Variants in C3AR1 observed in about 807,000 individuals in gnomAD.
C3AR1 encodes C3a anaphylatoxin chemotactic receptor.
For missense variants in C3AR1, 579 were observed against 583.5 expected, an observed-to-expected ratio of 0.99 and a Z score of 0.08; for synonymous variants, 208 against 225.3, an observed-to-expected ratio of 0.92 and a Z score of 0.69.
rs905500831 is a variant in C3AR1, at chr12:8,059,094, T to C, written c.1092A>G (p.Gln364=). The change falls in exon 2 of 2, where the codon CAA becomes CAG. Residue 364 remains glutamine (Q), a synonymous_variant. Coordinates refer to ENST00000307637, the MANE Select transcript of C3AR1 (RefSeq NM_004054.4). ...ACYSFIVFRM[Q]RGRFAKSQSK... is the part of the protein sequence containing the mutation. ...TCTGAGACTTGGCGAAGCGGCCCCTTTGCATTCGGAAGACAATGAAGCTGT... is the reference window on the plus strand; with the variant it reads ...TCTGAGACTTGGCGAAGCGGCCCCTCTGCATTCGGAAGACAATGAAGCTGT... 1.2e-6 allele frequency: 2 copies of C among 1,614,040 alleles called. No individual in the cohort carries two copies. Among genetic ancestry groups the C allele is most frequent in the Non-Finnish European group, 1.7e-6 (2 of 1,180,048 alleles).
At chr12:8,065,653 CAAAAA>C (rs753950088) in intron 1 of C3AR1, among the ~76,000 whole-genome samples, 7,768 of 72,146 alleles carry the variant, frequency 0.11, 214 homozygotes, top group South Asian at 0.17. Context: ...GACTCTGTCT[CAAAAA>C]AAAAAAAAAA....
At chr12:8,064,875 G>C (rs769810383) in intron 1 of C3AR1, among the ~76,000 whole-genome samples, 1 of 150,540 alleles carries the variant, frequency 6.6e-6, no homozygotes, top group African/African-American at 2.5e-5. Flanking sequence ...TGTTGTTGTT[G>C]TTTGTTTGTT....
At chr12:8,063,645 T>C (rs1947299298) in intron 1 of C3AR1, among the ~76,000 whole-genome samples, 1 of 152,240 alleles carries the variant, frequency 6.6e-6, no homozygotes, top group Non-Finnish European at 1.5e-5. Flanking sequence ...CATTTTATCT[T>C]GTACAATAAT....
At chr12:8,061,130 T>C (rs1156376914) in intron 1 of C3AR1, among the ~76,000 whole-genome samples, 2 of 152,236 alleles carry the variant, frequency 1.3e-5, no homozygotes, top group South Asian at 2.1e-4. Context: ...CCAAGAGTTG[T>C]TGGCCCTCTG....
rs1591585442 is a variant in C3AR1, at chr12:8,058,529, A to G, written c.*208T>C. Reference sequence around the variant, plus strand: ...TCCCAACCCCCAGAGATTCCGATTCAGCAAGTCTGGGATGCGGCTTGAGAA... The same window carrying G: ...TCCCAACCCCCAGAGATTCCGATTCGGCAAGTCTGGGATGCGGCTTGAGAA... On this transcript the variant is annotated 3_prime_UTR_variant, in exon 2 of 2. Transcript: ENST00000307637. 1.8e-6 allele frequency: 1 copy of G among 563,118 alleles called. No individual in the cohort carries two copies. The highest frequency in any genetic ancestry group is 3.0e-5 in the East Asian group (1 of 33,330). The allele number at this position is 563,118 out of a possible 1,614,324, so 34.9% of individuals were successfully genotyped here. A position where few individuals can be genotyped will look rare whatever the true frequency, so the allele number is the denominator to read the frequency against.
In C3AR1 at chr12:8,059,431, T is replaced by C; in HGVS notation, c.755A>G (p.Gln252Arg). Reference sequence around the variant, plus strand: ...TTTAAATACATTAGAATACAGATTTTGACTTGTTAACCTAGCAGAACCCCT... The same window carrying C: ...TTTAAATACATTAGAATACAGATTTCGACTTGTTAACCTAGCAGAACCCCT... ...LPRGSARLTS[Q>R]NLYSNVFKPA... Residue 252 changes from glutamine to arginine, a missense_variant, in exon 2 of 2, where the codon CAA becomes CGA. Transcript: ENST00000307637. 6.2e-7 allele frequency: 1 copy of C among 1,614,072 alleles called. No homozygotes were observed. The highest frequency in any genetic ancestry group is 8.5e-7 in the Non-Finnish European group (1 of 1,179,978).
chr12:8,058,540 G>T lies in C3AR1; in HGVS notation c.*197C>A. On this transcript the variant is annotated 3_prime_UTR_variant, in exon 2 of 2. Transcript: ENST00000307637. ...AGAGATTCCGATTCAGCAAGTCTGG[G>T]ATGCGGCTTGAGAATTTGCATTTCT... 1 of 601,628 alleles carries T rather than the reference G, an allele frequency of 1.7e-6. No individual in the cohort carries two copies. Among genetic ancestry groups the T allele is most frequent in the Admixed American group, 3.3e-5 (1 of 30,236 alleles). 37.3% of individuals were successfully genotyped at this position (601,628 alleles called of 1,614,324 possible).
Position 8,059,989 on chromosome 12 carries a change from A to G in C3AR1, c.197T>C (p.Leu66Ser), listed in dbSNP as rs754988685. 12 of 1,614,008 alleles carry G rather than the reference A, an allele frequency of 7.4e-6. No individual in the cohort carries two copies. Among genetic ancestry groups the G allele is most frequent in the African/African-American group, 5.3e-5 (4 of 74,890 alleles). ...GGAGAGGCAGCAGAGGAGGTCCGCC[A>G]AGGTGAGGTGGAGGAACCAAATTGT... ...VNTIWFLHLTLADLLCCLSLP... is the reference protein window; with the variant it reads ...VNTIWFLHLTSADLLCCLSLP... Residue 66 changes from leucine (L) to serine (S), a missense_variant, in exon 2 of 2, where the codon TTG (leucine) becomes TCG (serine). Transcript: ENST00000307637.
At chr12:8,063,379 TAC>T (rs1399557924) in intron 1 of C3AR1, among the ~76,000 whole-genome samples, 1 of 152,340 alleles carries the variant, frequency 6.6e-6, no homozygotes, top group East Asian at 1.9e-4. Flanking sequence ...TGTCATTAGA[TAC>T]ACTGACTTCT....
Position 8,059,318 on chromosome 12 carries a change from G to C in C3AR1, c.868C>G (p.Leu290Val). 1 of 1,614,214 alleles carries C rather than the reference G, an allele frequency of 6.2e-7. No individual in the cohort carries two copies. The highest frequency in any genetic ancestry group is 8.5e-7 in the Non-Finnish European group (1 of 1,180,036). Reference protein sequence around the residue: ...TSPLDNSDAFLSTHLKLFPSA... With the variant: ...TSPLDNSDAFVSTHLKLFPSA... ...GGGAACAGCTTTAAATGAGTAGAGA[G>C]AAAAGCATCAGAGTTATCCAGTGGG... The change falls in exon 2 of 2, where the codon CTC (leucine) becomes GTC (valine). Residue 290 changes from leucine (L) to valine (V), a missense_variant. Leu to Val is a conservative substitution (Grantham distance 32). Coordinates refer to ENST00000307637, the MANE Select transcript of C3AR1 (RefSeq NM_004054.4).
chr12:8,059,252 G>A lies in C3AR1; in HGVS notation c.934C>T (p.Gln312Ter). The A allele has an allele frequency of 6.2e-7, 1 of 1,614,190 alleles. No homozygotes were observed. The highest frequency in any genetic ancestry group is 8.5e-7 in the Non-Finnish European group (1 of 1,180,034). ...AAATTGTAATAATCCTGGAAACCTT[G>A]TGGTAGCTCAGACTCGTAGAAGGAA... Reference protein sequence around the residue: ...SNSFYESELPQGFQDYYNLGQ... With the variant: ...SNSFYESELP Residue 312 changes from glutamine (Q) to a stop codon, truncating the protein, a stop_gained, in exon 2 of 2, where the codon CAA (glutamine) becomes TAA (stop). Coordinates refer to ENST00000307637, the MANE Select transcript of C3AR1 (RefSeq NM_004054.4). LOFTEE classifies it low-confidence loss of function (END_TRUNC).
At position 8,057,402 on chromosome 12, in the gene C3AR1, A is replaced by G. The variant is rs1171452938; in HGVS notation, c.*1335T>C. Among the ~76,000 whole-genome samples, 1 of 152,200 alleles carries G rather than the reference A, an allele frequency of 6.6e-6. No homozygotes were observed. The highest frequency in any genetic ancestry group is 1.5e-5 in the Non-Finnish European group (1 of 68,034). ...ATGGGGTGCTTGGATAAACATCTTC[A>G]TCTTTCAAAACAAGAAGTCGTTTTA... On this transcript the variant is annotated 3_prime_UTR_variant, in exon 2 of 2. Transcript: ENST00000307637.
rs1341011479 is a variant in C3AR1, at chr12:8,060,253, T to A, written c.-10-58A>T. On this transcript the variant is annotated intron_variant, in intron 1 of 1. Coordinates refer to ENST00000307637, the MANE Select transcript of C3AR1 (RefSeq NM_004054.4). ...CAGTATCTTTTTGAAAATGCATACA[T>A]ATTCTTAGGATTCTAATCTTCCCAC... 5 of 1,302,360 alleles carry A rather than the reference T, an allele frequency of 3.8e-6. No homozygotes were observed. In the African/African-American group the frequency reaches 5.9e-5, roughly 15 times the overall value. 80.7% of individuals were successfully genotyped at this position (1,302,360 alleles called of 1,614,324 possible). A position where few individuals can be genotyped will look rare whatever the true frequency, so the allele number is the denominator to read the frequency against.
chr12:8,059,619 T>G lies in C3AR1; in HGVS notation c.567A>C (p.Gly189=). 1 of 1,614,086 alleles carries G rather than the reference T, an allele frequency of 6.2e-7. No individual in the cohort carries two copies. Among genetic ancestry groups the G allele is most frequent in the Non-Finnish European group, 8.5e-7 (1 of 1,180,000 alleles). The change falls in exon 2 of 2, where the codon GGA becomes GGC. Residue 189 remains glycine, a synonymous_variant. Transcript: ENST00000307637. The part of the protein sequence containing the change: ...SSSLDYPDFY[G]DPLENRSLEN... ...CAAGAGACCTGTTTTCTAGTGGATC[T>G]CCATAAAAGTCTGGATAATCTAATG...
chr12:8,065,653 CAAAA>C (rs753950088), intron 1 of C3AR1, among the ~76,000 whole-genome samples: 1,323 of 72,264 alleles, frequency 0.018, 15 homozygotes, highest in African/African-American at 0.06. Context: ...GACTCTGTCT[CAAAA>C]AAAAAAAAAA....
At position 8,059,559 on chromosome 12, in the gene C3AR1, A is replaced by G; in HGVS notation, c.627T>C (p.Asp209=). 2 of 1,614,194 alleles carry G rather than the reference A, an allele frequency of 1.2e-6. No individual in the cohort carries two copies. Among genetic ancestry groups the G allele is most frequent in the African/African-American group, 1.3e-5 (1 of 75,044 alleles). Residue 209 remains aspartate, a synonymous_variant, in exon 2 of 2, where the codon GAT becomes GAC. Transcript: ENST00000307637. ...TTTGGAAAGAGGAAGGATCTAACCT[A>G]TCATTCATTTCTCCAGGCGGCTGAA... The part of the protein sequence containing the change: ...NIVQPPGEMN[D]RLDPSSFQTN...
At chr12:8,062,814 T>C (rs892603487) in intron 1 of C3AR1, among the ~76,000 whole-genome samples, 2 of 151,196 alleles carry the variant, frequency 1.3e-5, no homozygotes, top group Admixed American at 6.6e-5. Flanking sequence ...CGGCTAATTT[T>C]TTTTTGTATT....
rs146952726 is a variant in C3AR1 at position 8,059,625 on chromosome 12, A to C, written c.561T>G (p.Phe187Leu). The C allele has an allele frequency of 2.7e-4, 434 of 1,614,032 alleles. No individual in the cohort carries two copies. The highest frequency in any genetic ancestry group is 3.5e-4 in the Non-Finnish European group (409 of 1,180,028). The change falls in exon 2 of 2, where the codon TTT becomes TTG. Residue 187 changes from phenylalanine to leucine, a missense_variant. Coordinates refer to ENST00000307637, the MANE Select transcript of C3AR1 (RefSeq NM_004054.4). ...ACCTGTTTTCTAGTGGATCTCCATA[A>C]AAGTCTGGATAATCTAATGAGCTGG... ...GLSSSLDYPD[F>L]YGDPLENRSL...
At chr12:8,061,656 T>G (rs867168162) in intron 1 of C3AR1, among the ~76,000 whole-genome samples, 12 of 152,104 alleles carry the variant, frequency 7.9e-5, no homozygotes, top group Non-Finnish European at 1.3e-4. Context: ...GAGACAGGTT[T>G]TGCCATGTTG....
Sources: gnomAD v4.1 joint callset for allele counts (sites outside exome capture counted in the v4.1 genomes callset) on GRCh38, gnomAD v4.1.1 for gene constraint, MANE v1.5 for transcripts, NCBI Gene and HGNC (gene_info 2026-07-23, HGNC 2026-07-21) for gene names.